The following OPRL1 variants were observed in gnomAD, a reference collection of about 807,000 sequenced individuals.
The protein encoded by OPRL1 is nociceptin receptor.
OPRL1 carries 5 observed loss-of-function variants against 15.5 expected under a neutral mutation model. That is an observed-to-expected ratio of 0.32 (90% CI 0.17 to 0.68). The LOEUF is 0.68. OPRL1 is among the 30% of genes least tolerant of loss of function. The probability of loss-of-function intolerance (pLI) is 0.72; values close to 1 mark genes in which losing one functional copy is unlikely to be tolerated. For missense variants in OPRL1, 406 were observed against 515.3 expected (o/e 0.79, Z 2.05); for synonymous variants, 223 against 230.2 (o/e 0.97, Z 0.28).
intron 4 of OPRL1, 43 bp from the exon 5 acceptor site, chr20:64,098,233 C>T (rs1979420421): frequency 6.2e-7 from 1 of 1,602,846 alleles, no homozygotes; most frequent in Non-Finnish European, 8.5e-7. Flanking sequence ...ACGTGCCCTC[C>T]ACGTCTCCTG....
At chr20:64,092,357 C>T (rs2060127894) in intron 2 of OPRL1, among the ~76,000 whole-genome samples, 1 of 152,062 alleles carries the variant, frequency 6.6e-6, no homozygotes, top group Admixed American at 6.5e-5. Context: ...TTCATCAGTC[C>T]CTGTGGGTGG....
In OPRL1 at chr20:64,098,432, C is replaced by T. The variant is rs779780807; in HGVS notation, c.746C>T (p.Ser249Leu). The stretch of plus-strand genomic sequence containing the variant: ...CGGCTCCGTGGAGTCCGCCTGCTCT[C>T]GGGCTCCCGAGAGAAGGACCGGAAC... ...IRRLRGVRLLSGSREKDRNLR... is the reference protein window; with the variant it reads ...IRRLRGVRLLLGSREKDRNLR... Residue 249 changes from serine to leucine, a missense_variant, in exon 5 of 5, where the codon TCG becomes TTG. Physicochemically the swap from Ser to Leu is moderately radical, Grantham distance 145. Coordinates refer to ENST00000336866, the MANE Select transcript of OPRL1 (RefSeq NM_182647.4). 5 of 1,613,432 alleles carry T rather than the reference C, an allele frequency of 3.1e-6. No homozygotes were observed. Among genetic ancestry groups the T allele is most frequent in the South Asian group, 1.1e-5 (1 of 91,092 alleles).
chr20:64,084,250 C>A, intron 1 of OPRL1: 1 of 1,353,892 alleles, frequency 7.4e-7, no homozygotes, highest in South Asian at 1.8e-5. Flanking sequence ...GGAGGGCGTC[C>A]CGTCGGTGCC....
At position 64,083,054 on chromosome 20, in the gene OPRL1, C is replaced by T. The variant is rs899336350; in HGVS notation, c.-185+2702C>T. Among the ~76,000 whole-genome samples the T allele has an allele frequency of 6.6e-5, 10 of 152,140 alleles. No homozygotes were observed. Among genetic ancestry groups the T allele is most frequent in the African/African-American group, 1.4e-4 (6 of 41,430 alleles). ...GCCCCCTGGTGGGATGACTCGCACT[C>T]GAGACCACTGCAGCCTGAGGCTACC... On this transcript the variant is annotated intron_variant, in intron 1 of 4. Coordinates refer to ENST00000336866, the MANE Select transcript of OPRL1 (RefSeq NM_182647.4). This position sits in a 1 kb window ranked among gnomAD's most constrained non-coding sequence, Gnocchi z 4.9.
intron 1 of OPRL1, among the ~76,000 whole-genome samples, chr20:64,085,830 T>C (rs1319756303): frequency 2.6e-5 from 4 of 152,204 alleles, no homozygotes; most frequent in South Asian, 2.1e-4. Context: ...CCCATTGTTT[T>C]TGGGAGACTG....
In OPRL1 at chr20:64,092,916, C is replaced by T; in HGVS notation, c.196C>T (p.Leu66Phe). Residue 66 changes from leucine (L) to phenylalanine (F), a missense_variant, in exon 3 of 5, where the codon CTC (leucine) becomes TTC (phenylalanine). By Grantham distance (22) the Leu-to-Phe change is conservative. Transcript: ENST00000336866. ...CTACCTGGCCGTGTGTGTCGGAGGG[C>T]TCCTGGGGAACTGCCTTGTCATGTA... ...GLYLAVCVGG[L>F]LGNCLVMYVI... 3 of 1,612,710 alleles carry T rather than the reference C, an allele frequency of 1.9e-6. No individual in the cohort carries two copies. Among genetic ancestry groups the T allele is most frequent in the Non-Finnish European group, 2.5e-6 (3 of 1,179,920 alleles).
Position 64,092,894 on chromosome 20 carries a change from C to T in OPRL1, c.174C>T (p.Tyr58=), listed in dbSNP as rs138017190. The T allele has an allele frequency of 5.3e-5, 85 of 1,612,786 alleles. No individual in the cohort carries two copies. The African/African-American group carries it at 9.9e-4, about 19-fold the overall frequency. ...LGLKVTIVGL[Y]LAVCVGGLLG... ...TCAAGGTCACCATCGTGGGGCTCTACCTGGCCGTGTGTGTCGGAGGGCTCC... is the reference window on the plus strand; with the variant it reads ...TCAAGGTCACCATCGTGGGGCTCTATCTGGCCGTGTGTGTCGGAGGGCTCC... Residue 58 remains tyrosine (Y), a synonymous_variant, in exon 3 of 5, where the codon TAC becomes TAT. Transcript: ENST00000336866.
chr20:64,092,871 A>C lies in OPRL1; in HGVS notation c.151A>C (p.Lys51Gln). 6.2e-7 allele frequency: 1 copy of C among 1,612,672 alleles called. No individual in the cohort carries two copies. The highest frequency in any genetic ancestry group is 8.5e-7 in the Non-Finnish European group (1 of 1,179,908). Residue 51 changes from lysine (K) to glutamine (Q), a missense_variant, in exon 3 of 5, where the codon AAG (lysine) becomes CAG (glutamine). By Grantham distance (53) the Lys-to-Gln change is moderately conservative. Coordinates refer to ENST00000336866, the MANE Select transcript of OPRL1 (RefSeq NM_182647.4). The part of the protein sequence containing the change: ...SHGAFLPLGL[K>Q]VTIVGLYLAV... ...CGGCGCCTTCCTGCCCCTCGGGCTC[A>C]AGGTCACCATCGTGGGGCTCTACCT...
rs574180454 is a variant in OPRL1 at position 64,096,377 on chromosome 20, T to C, written c.234-1425T>C. ...GGACACTCCGTTCTGAGCCCTGCTC[T>C]GCTTTTTACCAGCTCTAAGGCCTTA... On this transcript the variant is annotated intron_variant, in intron 3 of 4. Coordinates refer to ENST00000336866, the MANE Select transcript of OPRL1 (RefSeq NM_182647.4). 2.0e-5 allele frequency among the ~76,000 whole-genome samples: 3 copies of C among 152,266 alleles called. No individual in the cohort carries two copies. In the East Asian group the frequency reaches 5.8e-4, roughly 29 times the overall value.
rs1311006563 is a variant in OPRL1, at chr20:64,084,426, A to G, written c.-185+4074A>G. On this transcript the variant is annotated intron_variant, in intron 1 of 4. Transcript: ENST00000336866. The stretch of plus-strand genomic sequence containing the variant: ...AGCGCACGTCCCCAGCAGCTCTGCC[A>G]TCGGCTGATCCTGCTCAGTCCTGCA... The G allele has an allele frequency of 7.2e-6, 9 of 1,251,448 alleles. No homozygotes were observed. In the Admixed American group the frequency reaches 1.3e-4, roughly 18 times the overall value. 77.5% of individuals were successfully genotyped at this position (1,251,448 alleles called of 1,614,324 possible). A position where few individuals can be genotyped will look rare whatever the true frequency, so the allele number is the denominator to read the frequency against.
At position 64,098,378 on chromosome 20, in the gene OPRL1, T is replaced by C. The variant is rs770136484; in HGVS notation, c.692T>C (p.Ile231Thr). 1 of 1,613,810 alleles carries C rather than the reference T, an allele frequency of 6.2e-7. No homozygotes were observed. The highest frequency in any genetic ancestry group is 1.7e-5 in the Admixed American group (1 of 60,022). Residue 231 changes from isoleucine (I) to threonine (T), a missense_variant, in exon 5 of 5, where the codon ATC becomes ACC. By Grantham distance (89) the Ile-to-Thr change is moderately conservative (BLOSUM62 -1). Transcript: ENST00000336866. ...LFSFIVPVLV[I>T]SVCYSLMIRR... ...TCCTTCATCGTCCCCGTGCTCGTCA[T>C]CTCTGTCTGCTACAGCCTCATGATC... is the stretch of plus-strand genomic sequence containing the variant.
intron 1 of OPRL1, among the ~76,000 whole-genome samples, chr20:64,088,932 G>GGCCAGGATCTGTGCAGGGAGGCCA (rs546849842): frequency 2.5e-4 from 1 of 4,042 alleles, no homozygotes; most frequent in South Asian, 8.5e-3. Context: ...ATCTGTGCAA[G>GGCCAGGATCTGTGCAGGGAGGCCA]GGGTAGGATC....
At chr20:64,081,546 C>G (rs2059967634) in intron 1 of OPRL1, among the ~76,000 whole-genome samples, 1 of 152,210 alleles carries the variant, frequency 6.6e-6, no homozygotes, top group Non-Finnish European at 1.5e-5. Flanking sequence ...TGGGCCTGCT[C>G]TCCACCGCCC....
intron 1 of OPRL1, among the ~76,000 whole-genome samples, chr20:64,088,949 G>C (rs1042450331): frequency 9.9e-6 from 1 of 100,994 alleles, no homozygotes; most frequent in East Asian, 2.9e-4. Flanking sequence ...GATCTGTGCA[G>C]AGTGGCCAGG....
At position 64,083,806 on chromosome 20, in the gene OPRL1, C is replaced by A. The variant is rs887482488; in HGVS notation, c.-185+3454C>A. On this transcript the variant is annotated intron_variant, in intron 1 of 4. Transcript: ENST00000336866. This position sits in a 1 kb window ranked among gnomAD's most constrained non-coding sequence, Gnocchi z 4.9. Reference sequence around the variant, plus strand: ...GGTGCGCCCCCTCTGCCCTCCGACCCCCTCGCCTCACCCGCATGCGGGTGT... The same window carrying A: ...GGTGCGCCCCCTCTGCCCTCCGACCACCTCGCCTCACCCGCATGCGGGTGT... 1 of 1,349,616 alleles carries A rather than the reference C, an allele frequency of 7.4e-7. No homozygotes were observed. The highest frequency in any genetic ancestry group is 1.5e-5 in the African/African-American group (1 of 64,900). 83.6% of individuals were successfully genotyped at this position (1,349,616 alleles called of 1,614,324 possible). A position where few individuals can be genotyped will look rare whatever the true frequency, so the allele number is the denominator to read the frequency against.
Position 64,098,979 on chromosome 20 carries a change from C to A in OPRL1, c.*180C>A. 1 of 825,322 alleles carries A rather than the reference C, an allele frequency of 1.2e-6. No individual in the cohort carries two copies. The highest frequency in any genetic ancestry group is 1.8e-6 in the Non-Finnish European group (1 of 543,614). The allele number at this position is 825,322 out of a possible 1,614,324, so 51.1% of individuals were successfully genotyped here. On this transcript the variant is annotated 3_prime_UTR_variant, in exon 5 of 5. Transcript: ENST00000336866. ...TCGGTCCCAGAGGAGGACCTAGTGACATCATGGGACAGGTCAAAGCATTAG... is the reference window on the plus strand; with the variant it reads ...TCGGTCCCAGAGGAGGACCTAGTGAAATCATGGGACAGGTCAAAGCATTAG...
intron 1 of OPRL1, among the ~76,000 whole-genome samples, chr20:64,081,522 C>T (rs1369041752): frequency 2.0e-5 from 3 of 152,212 alleles, no homozygotes; most frequent in African/African-American, 7.2e-5. Context: ...ATTCCCCCGT[C>T]TCCTCTGGCC....
chr20:64,086,026 C>T (rs2060045608), intron 1 of OPRL1, among the ~76,000 whole-genome samples: 1 of 152,196 alleles, frequency 6.6e-6, no homozygotes, highest in Non-Finnish European at 1.5e-5. Context: ...GGCTGCAGCA[C>T]CAGCTTGGCT....
chr20:64,092,402 C>A (rs1022441400), intron 2 of OPRL1, among the ~76,000 whole-genome samples: 3 of 152,032 alleles, frequency 2.0e-5, no homozygotes, highest in African/African-American at 7.3e-5. Context: ...CTCCAGGCAC[C>A]CTGTGTGTGA....
Sources: allele counts gnomAD v4.1 joint callset (sites outside exome capture counted in the v4.1 genomes callset), GRCh38; gene constraint gnomAD v4.1.1; non-coding constraint Gnocchi (gnomAD v3.1); transcripts MANE v1.5; gene names NCBI Gene and HGNC (gene_info 2026-07-23, HGNC 2026-07-21).